Variants in SEC14L6 observed in about 807,000 individuals in gnomAD.
SEC14L6 encodes the protein SEC14 like lipid binding 6.
A neutral mutation model predicts 54.1 loss-of-function variants in SEC14L6; 40 were observed. The observed-to-expected ratio is 0.74, with a 90% CI of 0.57 to 0.96. SEC14L6 has a LOEUF of 0.96. SEC14L6 is among the 40% of genes least tolerant of loss of function. The pLI is 0.00. For missense variants in SEC14L6, 471 were observed against 498.3 expected, an observed-to-expected ratio of 0.95 and a Z score of 0.52; for synonymous variants, 171 against 198.4, an observed-to-expected ratio of 0.86 and a Z score of 1.16.
chr22:30,544,122 C>T (rs558394162), intron 1 of SEC14L6: 2 of 1,321,018 alleles, frequency 1.5e-6, no homozygotes, highest in South Asian at 2.5e-5. Context: ...TCTCCATGCT[C>T]TTCCTTGTCC....
At chr22:30,538,079 C>A (rs2085630505) in intron 2 of SEC14L6, among the ~76,000 whole-genome samples, 1 of 152,132 alleles carries the variant, frequency 6.6e-6, no homozygotes, top group African/African-American at 2.4e-5. Flanking sequence ...ATGGCTCATG[C>A]CTGTAATCCC....
chr22:30,542,303 C>G (rs1408665699), intron 1 of SEC14L6, among the ~76,000 whole-genome samples: 1 of 152,202 alleles, frequency 6.6e-6, no homozygotes, highest in Non-Finnish European at 1.5e-5. Flanking sequence ...CAGACACCCC[C>G]CCACCCCCGC....
chr22:30,532,305 G>A (rs749208775), intron 5 of SEC14L6: 11 of 981,968 alleles, frequency 1.1e-5, no homozygotes, highest in Non-Finnish European at 1.3e-5. Context: ...CCAGTGGATT[G>A]AGTGGGCTTT....
At chr22:30,541,033 T>A (rs369296820) in intron 1 of SEC14L6, among the ~76,000 whole-genome samples, 1 of 139,306 alleles carries the variant, frequency 7.2e-6, no homozygotes, top group Non-Finnish European at 1.6e-5. Flanking sequence ...AAAAAAAAAA[T>A]TCAATTACTT....
At chr22:30,540,503 C>T (rs1468972926) in intron 1 of SEC14L6, among the ~76,000 whole-genome samples, 2 of 150,766 alleles carry the variant, frequency 1.3e-5, no homozygotes, top group Non-Finnish European at 2.9e-5. Context: ...ATTGCTTGAG[C>T]TCAGGAGTTT....
At position 30,532,565 on chromosome 22, in the gene SEC14L6, C is replaced by A; in HGVS notation, c.383G>T (p.Cys128Phe). Residue 128 changes from cysteine to phenylalanine, a missense_variant, in exon 5 of 12, where the codon TGC (cysteine) becomes TTC (phenylalanine). Coordinates refer to ENST00000402034, the MANE Select transcript of SEC14L6 (RefSeq NM_001193336.4). The stretch of plus-strand genomic sequence containing the variant: ...CTCACACTCCCGCAGGAGCAGCTCG[C>A]AGCTCCGGAAGCTGTCCCTGAGCAA... ...QELLRDSFRS[C>F]ELLLRECELQ... 2 of 1,550,568 alleles carry A rather than the reference C, an allele frequency of 1.3e-6. No homozygotes were observed. The highest frequency in any genetic ancestry group is 2.4e-5 in the South Asian group (2 of 84,052).
chr22:30,542,561 T>G, intron 1 of SEC14L6: 1 of 1,378,506 alleles, frequency 7.3e-7, no homozygotes, highest in Non-Finnish European at 9.5e-7. Context: ...GCGGGCGGCG[T>G]AGCCGCGGCC....
intron 3 of SEC14L6, among the ~76,000 whole-genome samples, chr22:30,533,576 G>A (rs193217322): frequency 1.0e-4 from 15 of 148,450 alleles, no homozygotes; most frequent in African/African-American, 3.5e-4. Context: ...ACTCCAGCCT[G>A]GGTGACAGAG....
chr22:30,541,145 CTTTGT>C (rs963045589), intron 1 of SEC14L6, among the ~76,000 whole-genome samples: 12 of 152,032 alleles, frequency 7.9e-5, no homozygotes, highest in African/African-American at 2.9e-4. Flanking sequence ...TTTGTTTATA[CTTTGT>C]TTTCTTTTTA....
chr22:30,524,767 G>C lies in SEC14L6; in HGVS notation c.*230C>G, dbSNP rs1158443090. ...TTTGCTGAGCTTGAGGTCACAGCAG[G>C]TCATAGTGGGGATGGAGTGTCTGTG... On this transcript the variant is annotated 3_prime_UTR_variant, in exon 12 of 12. Coordinates refer to ENST00000402034, the MANE Select transcript of SEC14L6 (RefSeq NM_001193336.4). 6.2e-6 allele frequency: 3 copies of C among 482,414 alleles called. No homozygotes were observed. The East Asian group carries it at 1.1e-4, about 18-fold the overall frequency. 29.9% of individuals were successfully genotyped at this position (482,414 alleles called of 1,614,324 possible).
Position 30,524,783 on chromosome 22 carries a change from A to C in SEC14L6, c.*214T>G, listed in dbSNP as rs2146231425. 1 of 516,302 alleles carries C rather than the reference A, an allele frequency of 1.9e-6. No homozygotes were observed. Among genetic ancestry groups the C allele is most frequent in the East Asian group, 3.4e-5 (1 of 29,732 alleles). 32.0% of individuals were successfully genotyped at this position (516,302 alleles called of 1,614,324 possible). A position where few individuals can be genotyped will look rare whatever the true frequency, so the allele number is the denominator to read the frequency against. On this transcript the variant is annotated 3_prime_UTR_variant, in exon 12 of 12. Coordinates refer to ENST00000402034, the MANE Select transcript of SEC14L6 (RefSeq NM_001193336.4). ...TCACAGCAGGTCATAGTGGGGATGG[A>C]GTGTCTGTGTTGCTTTGCTGTGACC...
chr22:30,531,730 A>C (rs553890965), intron 6 of SEC14L6, among the ~76,000 whole-genome samples, 173 bp downstream of exon 6: 1 of 152,308 alleles, frequency 6.6e-6, no homozygotes, highest in South Asian at 2.1e-4. Flanking sequence ...ATTTCAAAAA[A>C]AAAGTAAGAG....
At chr22:30,532,082 C>T (rs2146264238) in intron 5 of SEC14L6, 84 bp from the exon 6 acceptor site, 1 of 1,500,092 alleles carries the variant, frequency 6.7e-7, no homozygotes, top group Non-Finnish European at 8.9e-7. Context: ...AAGCCCAGGG[C>T]ACTGGCCTGG....
Position 30,529,159 on chromosome 22 carries a change from A to G in SEC14L6, c.592T>C (p.Phe198Leu). The G allele has an allele frequency of 6.4e-7, 1 of 1,551,104 alleles. No individual in the cohort carries two copies. Among genetic ancestry groups the G allele is most frequent in the Non-Finnish European group, 8.7e-7 (1 of 1,147,148 alleles). Residue 198 changes from phenylalanine (F) to leucine (L), a missense_variant, in exon 8 of 12, where the codon TTC (phenylalanine) becomes CTC (leucine). Coordinates refer to ENST00000402034, the MANE Select transcript of SEC14L6 (RefSeq NM_001193336.4). Reference protein sequence around the residue: ...SLIVVRAPKLFAVAFNLVKSY... With the variant: ...SLIVVRAPKLLAVAFNLVKSY... ...TTGACCAGGTTGAAGGCTACGGCGA[A>G]TAGCTTGGGGGCTGAAACCAGGCAC...
rs535953075 is a variant in SEC14L6 at position 30,542,985 on chromosome 22, C to A, written c.54+3644G>T. Reference sequence around the variant, plus strand: ...ACGTGGAGTTGAAGTCTGGAGCAGGCACTGAGCTGTCTGTGCGTGCCAAAC... The same window carrying A: ...ACGTGGAGTTGAAGTCTGGAGCAGGAACTGAGCTGTCTGTGCGTGCCAAAC... On this transcript the variant is annotated intron_variant, in intron 1 of 11. Coordinates refer to ENST00000402034, the MANE Select transcript of SEC14L6 (RefSeq NM_001193336.4). 8.7e-5 allele frequency: 139 copies of A among 1,601,968 alleles called. 1 individual carries two copies. In the South Asian group the frequency reaches 1.4e-3, roughly 16 times the overall value.
intron 2 of SEC14L6, among the ~76,000 whole-genome samples, chr22:30,538,149 G>C (rs2085631755): frequency 6.6e-6 from 1 of 152,052 alleles, no homozygotes; most frequent in Non-Finnish European, 1.5e-5. Context: ...AGACCAGCCT[G>C]GCTAACATGA....
intron 2 of SEC14L6, among the ~76,000 whole-genome samples, chr22:30,537,119 C>T (rs1194344661): frequency 1.3e-5 from 2 of 152,018 alleles, no homozygotes; most frequent in Non-Finnish European, 2.9e-5. Flanking sequence ...ATTTCCACTC[C>T]TTGTACTAGC....
At chr22:30,537,041 A>AAG (rs397934354) in intron 2 of SEC14L6, among the ~76,000 whole-genome samples, 2 of 150,722 alleles carry the variant, frequency 1.3e-5, no homozygotes, top group African/African-American at 2.4e-5. Flanking sequence ...AAAAAAAAAA[A>AAG]GGAAATAATA....
chr22:30,524,847 A>C lies in SEC14L6; in HGVS notation c.*150T>G. 1.6e-6 allele frequency: 1 copy of C among 613,542 alleles called. No homozygotes were observed. The highest frequency in any genetic ancestry group is 1.8e-5 in the African/African-American group (1 of 54,568). The allele number at this position is 613,542 out of a possible 1,614,324, so 38.0% of individuals were successfully genotyped here. Reference sequence around the variant, plus strand: ...TAGGACACTGTCCCAGCCGTTCCTGAGGAGTGGGCCAGCTGTGATGCATAG... The same window carrying C: ...TAGGACACTGTCCCAGCCGTTCCTGCGGAGTGGGCCAGCTGTGATGCATAG... On this transcript the variant is annotated 3_prime_UTR_variant, in exon 12 of 12. Transcript: ENST00000402034.
Sources: allele counts gnomAD v4.1 joint callset (sites outside exome capture counted in the v4.1 genomes callset), GRCh38; gene constraint gnomAD v4.1.1; transcripts MANE v1.5; gene names NCBI Gene and HGNC (gene_info 2026-07-23, HGNC 2026-07-21).